The following KIAA0825 variants were observed in gnomAD, a reference collection of about 807,000 sequenced individuals.
KIAA0825 encodes KIAA0825.
In KIAA0825, 119 loss-of-function variants were observed where a neutral mutation model predicts 147.6. That is an observed-to-expected ratio of 0.81 (90% confidence interval 0.69 to 0.94). The LOEUF is 0.94. Ranked by LOEUF, KIAA0825 falls within the 40% of genes least tolerant of loss-of-function variation. The pLI, the probability that KIAA0825 is intolerant of heterozygous loss-of-function variation, is 0.00. For synonymous variants in KIAA0825, 470 were observed against 518.1 expected (o/e 0.91, Z 1.26); for missense variants, 1,381 against 1,472.7 (o/e 0.94, Z 1.02).
At chr5:94,329,393 G>A (rs2150282108) in intron 20 of KIAA0825, among the ~76,000 whole-genome samples, 1 of 152,202 alleles carries the variant, frequency 6.6e-6, no homozygotes, top group Non-Finnish European at 1.5e-5. Context: ...AAAGGACATA[G>A]CATTTCCTTG....
chr5:94,232,588 G>A (rs575163904), intron 20 of KIAA0825, among the ~76,000 whole-genome samples: 8 of 152,134 alleles, frequency 5.3e-5, no homozygotes, highest in Non-Finnish European at 1.0e-4. Flanking sequence ...TGTTTTTCAG[G>A]TTTTATATGC....
intron 2 of KIAA0825, among the ~76,000 whole-genome samples, chr5:94,571,682 T>C (rs1779989775): frequency 6.6e-6 from 1 of 152,226 alleles, no homozygotes. Context: ...CTTGTTTTCA[T>C]GTGGTCAGTT....
intron 4 of KIAA0825, among the ~76,000 whole-genome samples, chr5:94,521,194 C>T (rs11954318): frequency 0.013 from 1,995 of 151,686 alleles, 33 homozygotes; most frequent in African/African-American, 0.036. Context: ...GTTATCTACC[C>T]AATATACCCT....
intron 5 of KIAA0825, 36 bp downstream of exon 5, chr5:94,520,212 A>C: frequency 6.6e-7 from 1 of 1,522,820 alleles, no homozygotes; most frequent in African/African-American, 1.4e-5. Flanking sequence ...TAAAAGACTT[A>C]AGTTAAACCA....
intron 1 of KIAA0825, among the ~76,000 whole-genome samples, chr5:94,602,424 A>G (rs1786661689): frequency 6.6e-6 from 1 of 152,150 alleles, no homozygotes; most frequent in Admixed American, 6.5e-5. Flanking sequence ...TTCAAGGTGG[A>G]AATGGAAGAA....
chr5:94,264,226 A>T (rs1179405102), intron 20 of KIAA0825, among the ~76,000 whole-genome samples: 2 of 152,196 alleles, frequency 1.3e-5, no homozygotes, highest in Non-Finnish European at 1.5e-5. Context: ...TTAAACACAC[A>T]TACAATAATG....
At chr5:94,223,212 A>G (rs889132424) in intron 20 of KIAA0825, among the ~76,000 whole-genome samples, 1 of 152,148 alleles carries the variant, frequency 6.6e-6, no homozygotes, top group South Asian at 2.1e-4. Context: ...CATTTTTACC[A>G]TGTTACAATC....
At chr5:94,428,847 G>A (rs138429182) in intron 14 of KIAA0825, among the ~76,000 whole-genome samples, 126 of 151,768 alleles carry the variant, frequency 8.3e-4, no homozygotes, top group African/African-American at 2.9e-3. Context: ...TAATGGACTT[G>A]GTCACTTTAC....
intron 2 of KIAA0825, among the ~76,000 whole-genome samples, chr5:94,563,290 G>C (rs150156140): frequency 2.0e-5 from 3 of 151,838 alleles, no homozygotes. Context: ...CCCAGGAGGC[G>C]GAGCTTGCAG....
chr5:94,452,457 C>T (rs1354614891), intron 13 of KIAA0825, among the ~76,000 whole-genome samples: 3 of 152,148 alleles, frequency 2.0e-5, no homozygotes, highest in Non-Finnish European at 4.4e-5. Context: ...ACTGCCATTT[C>T]ACATAATGCC....
intron 7 of KIAA0825, among the ~76,000 whole-genome samples, chr5:94,476,399 G>C (rs1761897198): frequency 6.6e-6 from 1 of 152,190 alleles, no homozygotes; most frequent in African/African-American, 2.4e-5. Flanking sequence ...TGGAAGAGTA[G>C]CTCCTGGGGC....
chr5:94,312,992 T>A (rs573664144), intron 20 of KIAA0825, among the ~76,000 whole-genome samples: 15 of 151,714 alleles, frequency 9.9e-5, no homozygotes, highest in African/African-American at 2.9e-4. Context: ...TGAAAATACA[T>A]AAGTATACAT....
At chr5:94,615,537 T>A (rs576132745) in intron 1 of KIAA0825, 13 of 152,300 alleles carry the variant, frequency 8.5e-5, no homozygotes, top group African/African-American at 2.9e-4. Context: ...AAAAGGAGGA[T>A]AATAATACTT....
intron 3 of KIAA0825, among the ~76,000 whole-genome samples, chr5:94,527,392 T>TC (rs1279257673): frequency 6.6e-6 from 1 of 152,018 alleles, no homozygotes. Context: ...TATTATCCAG[T>TC]CATAAAATAG....
chr5:94,180,359 CT>C (rs1769497878), intron 20 of KIAA0825, among the ~76,000 whole-genome samples: 1 of 151,998 alleles, frequency 6.6e-6, no homozygotes, highest in African/African-American at 2.4e-5. Context: ...AAAACAAAGA[CT>C]CCTGTGCTGT....
intron 20 of KIAA0825, among the ~76,000 whole-genome samples, chr5:94,364,389 CT>C (rs1175486296): frequency 1.1e-4 from 16 of 146,046 alleles, no homozygotes; most frequent in Admixed American, 6.8e-5. Context: ...CATTTCTTTT[CT>C]TTTTTTTTTG....
rs1478705231 is a variant in KIAA0825, at chr5:94,537,119, C to CA, written c.7dup (p.Trp3LeufsTer3). The CA allele has an allele frequency of 6.2e-7, 1 of 1,609,580 alleles. No homozygotes were observed. The highest frequency in any genetic ancestry group is 8.5e-7 in the Non-Finnish European group (1 of 1,178,148). On this transcript the variant is annotated frameshift_variant, in exon 3 of 21. Transcript: ENST00000682413. LOFTEE classifies it high-confidence loss of function. ...AGAATTATGAGAATATTCATCATCC[C>CA]AATCCATTCTGAGGAGCAAGAATAA...
At chr5:94,192,314 A>G (rs998567176) in intron 20 of KIAA0825, among the ~76,000 whole-genome samples, 1 of 152,226 alleles carries the variant, frequency 6.6e-6, no homozygotes, top group African/African-American at 2.4e-5. Flanking sequence ...CATGTAGTGC[A>G]TATCCCACAA....
chr5:94,453,122 C>A, intron 12 of KIAA0825, 53 bp from the exon 13 acceptor site: 1 of 876,258 alleles, frequency 1.1e-6, no homozygotes, highest in South Asian at 1.8e-5. Context: ...TTAACTATGA[C>A]CATTGAAATA....
Sources: gnomAD v4.1 joint callset for allele counts (sites outside exome capture counted in the v4.1 genomes callset) on GRCh38, gnomAD v4.1.1 for gene constraint, MANE v1.5 for transcripts, NCBI Gene and HGNC (gene_info 2026-07-23, HGNC 2026-07-21) for gene names.